Variants in EBF2 observed in about 807,000 individuals in gnomAD.
EBF2 encodes EBF transcription factor 2.
EBF2 carries 21 observed loss-of-function variants against 72.8 expected under a neutral mutation model. That is an observed-to-expected ratio of 0.29 (90% CI 0.20 to 0.42). The LOEUF (loss-of-function observed/expected upper bound fraction) is 0.42. EBF2 is among the 10% of genes least tolerant of loss of function. The pLI, the probability that EBF2 is intolerant of heterozygous loss-of-function variation, is 1.00. For synonymous variants in EBF2, 299 were observed against 274.2 expected (o/e 1.09, Z -0.89); for missense variants, 637 against 731.2 (o/e 0.87, Z 1.49).
intron 6 of EBF2, among the ~76,000 whole-genome samples, chr8:25,933,902 A>G (rs748952995): frequency 5.3e-5 from 8 of 152,096 alleles, no homozygotes; most frequent in Non-Finnish European, 8.8e-5. Context: ...TTACTGGGCC[A>G]TTTTCATTTT....
At position 26,042,076 on chromosome 8, in the gene EBF2, G is replaced by T; in HGVS notation, c.288+19C>A. The T allele has an allele frequency of 2.5e-6, 4 of 1,612,300 alleles. No individual in the cohort carries two copies. Among genetic ancestry groups the T allele is most frequent in the Non-Finnish European group, 3.4e-6 (4 of 1,178,680 alleles). ...GGGAGTTATTAGGCCGCGGGGTTTG[G>T]GGGGTACTTTCCGCTTACTTTGTCA... On this transcript the variant is annotated intron_variant, in intron 2 of 15. Transcript: ENST00000520164.
intron 5 of EBF2, among the ~76,000 whole-genome samples, chr8:26,038,804 T>A (rs759379547): frequency 6.6e-6 from 1 of 152,222 alleles, no homozygotes; most frequent in African/African-American, 2.4e-5. Context: ...TTTGTTTTGG[T>A]ACTTGGTCAA....
chr8:26,033,797 A>G (rs1805448364), intron 5 of EBF2, among the ~76,000 whole-genome samples: 1 of 152,220 alleles, frequency 6.6e-6, no homozygotes, highest in Non-Finnish European at 1.5e-5. Flanking sequence ...TAGCTTCCCA[A>G]CTATAAGCTA....
In EBF2 at chr8:25,986,100, G is replaced by C. The variant is rs59373670; in HGVS notation, c.551+46985C>G. ...ATAGACTTAAGATATGCATTTATTT[G>C]TACAACACATATTTGTTGAGCAACT... On this transcript the variant is annotated intron_variant, in intron 6 of 15. Coordinates refer to ENST00000520164, the MANE Select transcript of EBF2 (RefSeq NM_022659.4). Among the ~76,000 whole-genome samples the C allele has an allele frequency of 9.2e-3, 1,302 of 140,782 alleles. 23 individuals are homozygous for C. Among genetic ancestry groups the C allele is most frequent in the African/African-American group, 0.033 (1,247 of 37,904 alleles). 92.4% of individuals were successfully genotyped at this position (140,782 alleles called of 152,430 possible).
chr8:25,866,854 A>G (rs1425460156), intron 10 of EBF2, among the ~76,000 whole-genome samples: 1 of 151,446 alleles, frequency 6.6e-6, no homozygotes, highest in Non-Finnish European at 1.5e-5. Flanking sequence ...CTGGTCACGA[A>G]CTCCTGACCT....
chr8:25,969,593 G>T (rs982189141), intron 6 of EBF2, among the ~76,000 whole-genome samples: 24 of 152,190 alleles, frequency 1.6e-4, no homozygotes, highest in African/African-American at 5.8e-4. Context: ...CAATGAGAGC[G>T]TGTTTACTTC....
intron 7 of EBF2, among the ~76,000 whole-genome samples, chr8:25,895,923 ATGTGTGTGTGTG>A (rs71868613): frequency 6.7e-6 from 1 of 149,604 alleles, no homozygotes; most frequent in South Asian, 2.1e-4. Context: ...CCGTGTGTGT[ATGTGTGTGTGTG>A]TGTGTGTGTG....
At position 25,881,856 on chromosome 8, in the gene EBF2, C is replaced by T. The variant is rs1425315159; in HGVS notation, c.1009+4899G>A. ...CGACAGGCACCGGCGGGCCACTGAC[C>T]GGCAGAACGACACAGAATGTGGCTG... On this transcript the variant is annotated intron_variant, in intron 10 of 15. Transcript: ENST00000520164. 3.9e-5 allele frequency among the ~76,000 whole-genome samples: 6 copies of T among 152,238 alleles called. No homozygotes were observed. In the East Asian group the frequency reaches 7.7e-4, roughly 20 times the overall value.
chr8:25,906,915 G>A (rs867193400), intron 7 of EBF2, among the ~76,000 whole-genome samples: 1 of 152,120 alleles, frequency 6.6e-6, no homozygotes, highest in South Asian at 2.1e-4. Flanking sequence ...AAGATTGATA[G>A]CCATGATGGG....
In EBF2 at chr8:25,893,050, T is replaced by TAA. The variant is rs1802809872; in HGVS notation, c.634-3182_634-3181insTT. ...ATCTCAGCAAAACACAAGGTCATGTTACAGTCGAAGGGAGAGGCAGAGCCT... is the reference window on the plus strand; with the variant it reads ...ATCTCAGCAAAACACAAGGTCATGTTAAACAGTCGAAGGGAGAGGCAGAGCCT... On this transcript the variant is annotated intron_variant, in intron 7 of 15. Coordinates refer to ENST00000520164, the MANE Select transcript of EBF2 (RefSeq NM_022659.4). Among the ~76,000 whole-genome samples, 4 of 152,146 alleles carry TAA rather than the reference T, an allele frequency of 2.6e-5. No individual in the cohort carries two copies. In the South Asian group the frequency reaches 8.3e-4, roughly 32 times the overall value.
At chr8:25,942,774 C>G (rs911878868) in intron 6 of EBF2, among the ~76,000 whole-genome samples, 2 of 152,220 alleles carry the variant, frequency 1.3e-5, no homozygotes, top group Non-Finnish European at 2.9e-5. Context: ...AGCCTTCGTT[C>G]CTGCGGGCTC....
At chr8:26,006,476 C>A (rs10111167) in intron 6 of EBF2, among the ~76,000 whole-genome samples, 98,406 of 152,074 alleles carry the variant, frequency 0.65, 32,346 homozygotes, top group African/African-American at 0.75. Flanking sequence ...CTTTGCTATT[C>A]TAGATAATAA....
At chr8:25,866,685 GC>G (rs967116114) in intron 10 of EBF2, among the ~76,000 whole-genome samples, 50 of 142,736 alleles carry the variant, frequency 3.5e-4, no homozygotes, top group Admixed American at 3.0e-3. Flanking sequence ...CGGCTGGAGT[GC>G]AATGGCATGA....
chr8:25,905,390 A>G (rs1401621930), intron 7 of EBF2, among the ~76,000 whole-genome samples: 1 of 152,206 alleles, frequency 6.6e-6, no homozygotes, highest in Non-Finnish European at 1.5e-5. Context: ...CTGTGCACAA[A>G]TACTAACAGT....
intron 14 of EBF2, among the ~76,000 whole-genome samples, chr8:25,855,305 G>T (rs2117254574): frequency 6.6e-6 from 1 of 152,210 alleles, no homozygotes; most frequent in East Asian, 1.9e-4. Flanking sequence ...ATCCCCTATT[G>T]TCAGGGGTTT....
At chr8:25,881,652 T>G (rs988764703) in intron 10 of EBF2, among the ~76,000 whole-genome samples, 1 of 152,248 alleles carries the variant, frequency 6.6e-6, no homozygotes, top group Non-Finnish European at 1.5e-5. Context: ...CCTTGGCCTG[T>G]GCCCATGGAC....
chr8:26,005,561 T>TATAGAGAGAGAG (rs375386709), intron 6 of EBF2, among the ~76,000 whole-genome samples: 2,195 of 63,798 alleles, frequency 0.034, 102 homozygotes, highest in East Asian at 0.11. Context: ...TATATATATA[T>TATAGAGAGAGAG]AGAGAGAGAG....
At chr8:26,029,168 A>C (rs1488609321) in intron 6 of EBF2, among the ~76,000 whole-genome samples, 2 of 152,200 alleles carry the variant, frequency 1.3e-5, no homozygotes, top group Admixed American at 1.3e-4. Context: ...AAGGGCCACA[A>C]AGTAGTGAAA....
chr8:25,965,764 C>T (rs891968713), intron 6 of EBF2, among the ~76,000 whole-genome samples: 1 of 152,158 alleles, frequency 6.6e-6, no homozygotes, highest in Non-Finnish European at 1.5e-5. Flanking sequence ...CCTAGAGTCA[C>T]CTCTTGAGGC....
Sources: gnomAD v4.1 joint callset for allele counts (sites outside exome capture counted in the v4.1 genomes callset) on GRCh38, gnomAD v4.1.1 for gene constraint, MANE v1.5 for transcripts, NCBI Gene and HGNC (gene_info 2026-07-23, HGNC 2026-07-21) for gene names.